The following P3H3 variants were observed in gnomAD, a reference collection of about 807,000 sequenced individuals.
P3H3 encodes gene rich cluster, B.
Under a neutral mutation model 78.1 loss-of-function variants are expected in P3H3, and 64 were observed. The ratio of observed to expected loss-of-function variants is 0.82; its 90% CI spans 0.67 to 1.01. The LOEUF is 1.01. P3H3 is among the 50% of genes least tolerant of loss of function. The probability of loss-of-function intolerance (pLI) is 0.00; values close to 1 mark genes in which losing one functional copy is unlikely to be tolerated. For missense variants in P3H3, 975 were observed against 982.2 expected (o/e 0.99, Z 0.10); for synonymous variants, 425 against 416.7 (o/e 1.02, Z -0.24).
In P3H3 at chr12:6,839,064, G is replaced by A. The variant is rs1943531290; in HGVS notation, c.1970G>A (p.Gly657Glu). 6.2e-7 allele frequency: 1 copy of A among 1,612,126 alleles called. No homozygotes were observed. Among genetic ancestry groups the A allele is most frequent in the Non-Finnish European group, 8.5e-7 (1 of 1,179,580 alleles). Reference sequence around the variant, plus strand: ...AGCTCCGGTGTCGAGAATCCCCATGGGGTGTGGGCCGTGACTCGGGGACGG... The same window carrying A: ...AGCTCCGGTGTCGAGAATCCCCATGAGGTGTGGGCCGTGACTCGGGGACGG... ...AFSSGVENPH[G>E]VWAVTRGRRC... The change falls in exon 14 of 15, where the codon GGG becomes GAG. Residue 657 changes from glycine (G) to glutamate (E), a missense_variant. Coordinates refer to ENST00000290510, the MANE Select transcript of P3H3 (RefSeq NM_014262.5).
Position 6,833,605 on chromosome 12 carries a change from C to A in P3H3, c.1226C>A (p.Pro409His), listed in dbSNP as rs1478316958. Residue 409 changes from proline to histidine, a missense_variant, in exon 7 of 15, where the codon CCT becomes CAT. Pro to His is a moderately conservative substitution (Grantham distance 77, BLOSUM62 -2). Coordinates refer to ENST00000290510, the MANE Select transcript of P3H3 (RefSeq NM_014262.5). Reference protein sequence around the residue: ...TSFKDPDPWTPAALIPEALRE... With the variant: ...TSFKDPDPWTHAALIPEALRE... ...GGACTGTCGCAGGACCCCTGGACCC[C>A]TGCAGCTCTCATCCCTGAGGCACTT... The A allele has an allele frequency of 3.1e-6, 5 of 1,613,948 alleles. No individual in the cohort carries two copies. Among genetic ancestry groups the A allele is most frequent in the Admixed American group, 3.3e-5 (2 of 60,022 alleles).
intron 12 of P3H3, 32 bp downstream of exon 12, chr12:6,837,881 G>A (rs782334607): frequency 1.9e-6 from 3 of 1,595,716 alleles, no homozygotes; most frequent in Non-Finnish European, 2.6e-6. Context: ...CAGGCAGGTG[G>A]GCAGACAAAG....
chr12:6,830,772 T>C lies in P3H3; in HGVS notation c.985+2T>C. ...GGCTACATGAGGCCCATGCTCAGGGTCAGTTGGGGAAGGGTGGAAACGGGG... is the reference window on the plus strand; with the variant it reads ...GGCTACATGAGGCCCATGCTCAGGGCCAGTTGGGGAAGGGTGGAAACGGGG... On this transcript the variant is annotated splice_donor_variant, in intron 4 of 14. Transcript: ENST00000290510. LOFTEE classifies it high-confidence loss of function. 1 of 1,613,820 alleles carries C rather than the reference T, an allele frequency of 6.2e-7. No homozygotes were observed. Among genetic ancestry groups the C allele is most frequent in the South Asian group, 1.1e-5 (1 of 91,074 alleles).
Position 6,837,951 on chromosome 12 carries a change from TC to T in P3H3, c.1830-3del. The T allele has an allele frequency of 6.2e-7, 1 of 1,602,370 alleles. No homozygotes were observed. Among genetic ancestry groups the T allele is most frequent in the Non-Finnish European group, 8.5e-7 (1 of 1,174,278 alleles). ...TCTCACTGCCTCTTGCTTTTTTCCC[TC>T]CCCAGCGGACTCCTCTACCTCAACG... On this transcript the variant is annotated splice_region_variant and splice_polypyrimidine_tract_variant and intron_variant, in intron 12 of 14. Coordinates refer to ENST00000290510, the MANE Select transcript of P3H3 (RefSeq NM_014262.5).
chr12:6,830,498 C>A lies in P3H3; in HGVS notation c.797C>A (p.Ala266Asp). The change falls in exon 3 of 15, where the codon GCT becomes GAT. Residue 266 changes from alanine (A) to aspartate (D), a missense_variant. Physicochemically the swap from Ala to Asp is moderately radical, Grantham distance 126. Coordinates refer to ENST00000290510, the MANE Select transcript of P3H3 (RefSeq NM_014262.5). ...GAGGGGCCTGAGGAGCAGCAGGGGG[C>A]TGAAGAAGAGGAGGATGGGGCTGCG... ...DCEGPEEQQG[A>D]EEEEDGAASQ... 1.3e-6 allele frequency: 2 copies of A among 1,583,664 alleles called. No homozygotes were observed. The highest frequency in any genetic ancestry group is 2.3e-5 in the East Asian group (1 of 43,916).
Position 6,829,981 on chromosome 12 carries a change from C to T in P3H3, c.621C>T (p.Ser207=). The change falls in exon 2 of 15, where the codon AGC becomes AGT. Residue 207 remains serine (S), a synonymous_variant. Coordinates refer to ENST00000290510, the MANE Select transcript of P3H3 (RefSeq NM_014262.5). This position sits in a 1 kb window ranked among gnomAD's most constrained non-coding sequence, Gnocchi z 5.1. The stretch of plus-strand genomic sequence containing the variant: ...GAATGTCGGGAGTTCGGCCCCAGAG[C>T]TTCCGGGACCTGGAGACGCCCCCAC... ...YRRMSGVRPQ[S]FRDLETPPHW... 3.1e-6 allele frequency: 5 copies of T among 1,614,010 alleles called. No homozygotes were observed. Among genetic ancestry groups the T allele is most frequent in the Non-Finnish European group, 4.2e-6 (5 of 1,179,890 alleles).
Position 6,838,019 on chromosome 12 carries a change from G to A in P3H3, c.1891G>A (p.Ala631Thr), listed in dbSNP as rs369842284. The A allele has an allele frequency of 1.3e-4, 208 of 1,606,230 alleles. No individual in the cohort carries two copies. The highest frequency in any genetic ancestry group is 1.6e-4 in the Non-Finnish European group (184 of 1,176,124). The change falls in exon 13 of 15, where the codon GCC (alanine) becomes ACC (threonine). Residue 631 changes from alanine (A) to threonine (T), a missense_variant. Physicochemically the swap from Ala to Thr is moderately conservative, Grantham distance 58. Transcript: ENST00000290510. ...GGACCTGTTCTTCACGGAGCCCAAC[G>A]CCCTCACTGTCACGGTGCGTGGAGT... ...GGDLFFTEPNALTVTARVRPR... is the reference protein window; with the variant it reads ...GGDLFFTEPNTLTVTARVRPR...
Position 6,829,955 on chromosome 12 carries a change from CGAAT to C in P3H3, c.597_600del (p.Met200ArgfsTer39). Reference sequence around the variant, plus strand: ...GCGGGAGGACATGGCTAAGTACAGACGAATGTCGGGAGTTCGGCCCCAGAGCTTC... The same window carrying C: ...GCGGGAGGACATGGCTAAGTACAGACGTCGGGAGTTCGGCCCCAGAGCTTC... On this transcript the variant is annotated frameshift_variant, in exon 2 of 15. Transcript: ENST00000290510. LOFTEE classifies it high-confidence loss of function. The surrounding 1 kb of genome is among the most constrained non-coding windows in gnomAD (Gnocchi z 5.1). 1 of 1,614,018 alleles carries C rather than the reference CGAAT, an allele frequency of 6.2e-7. No homozygotes were observed. Among genetic ancestry groups the C allele is most frequent in the Non-Finnish European group, 8.5e-7 (1 of 1,179,882 alleles).
chr12:6,833,594 C>T lies in P3H3; in HGVS notation c.1215C>T (p.Asp405=), dbSNP rs1357056507. The change falls in exon 7 of 15, where the codon GAC becomes GAT. Residue 405 remains aspartate (D), a splice_region_variant and synonymous_variant. Coordinates refer to ENST00000290510, the MANE Select transcript of P3H3 (RefSeq NM_014262.5). The part of the protein sequence containing the change: ...EHLGTSFKDP[D]PWTPAALIPE... Reference sequence around the variant, plus strand: ...GATGCTTTTCTGGACTGTCGCAGGACCCCTGGACCCCTGCAGCTCTCATCC... The same window carrying T: ...GATGCTTTTCTGGACTGTCGCAGGATCCCTGGACCCCTGCAGCTCTCATCC... 3.1e-6 allele frequency: 5 copies of T among 1,613,546 alleles called. No individual in the cohort carries two copies. In the South Asian group the frequency reaches 3.3e-5, roughly 11 times the overall value.
rs200475649 is a variant in P3H3 at position 6,839,004 on chromosome 12, G to C, written c.1910G>C (p.Arg637Pro). 4 of 1,593,544 alleles carry C rather than the reference G, an allele frequency of 2.5e-6. No homozygotes were observed. The Admixed American group carries it at 7.0e-5, about 28-fold the overall frequency. Residue 637 changes from arginine to proline, a missense_variant, in exon 14 of 15, where the codon CGG becomes CCG. Arg to Pro is a moderately radical substitution (Grantham distance 103). Transcript: ENST00000290510. ...TEPNALTVTA[R>P]VRPRCGRLVA... ...AACCTGCCCTCATCCCTCCAGGCTC[G>C]GGTGCGTCCTCGCTGTGGGCGCCTT...
At position 6,837,855 on chromosome 12, in the gene P3H3, C is replaced by A. The variant is rs782456256; in HGVS notation, c.1829+6C>A. 12 of 1,604,720 alleles carry A rather than the reference C, an allele frequency of 7.5e-6. 1 individual carries two copies. The South Asian group carries it at 1.1e-4, about 15-fold the overall frequency. On this transcript the variant is annotated splice_donor_region_variant and intron_variant, in intron 12 of 14. Transcript: ENST00000290510. Reference sequence around the variant, plus strand: ...TACACCTATCGGGACTACAGGTGGGCAGCCCCTCTAGTGGTCAGGCAGGTG... The same window carrying A: ...TACACCTATCGGGACTACAGGTGGGAAGCCCCTCTAGTGGTCAGGCAGGTG...
At position 6,839,296 on chromosome 12, in the gene P3H3, G is replaced by A. The variant is rs1308584489; in HGVS notation, c.2047-1G>A. ...GGCCACACTCTCCTCCCCAACCCCAGGAGTGGATAGAAGCCAAAGAACTGC... is the reference window on the plus strand; with the variant it reads ...GGCCACACTCTCCTCCCCAACCCCAAGAGTGGATAGAAGCCAAAGAACTGC... On this transcript the variant is annotated splice_acceptor_variant, in intron 14 of 14. Coordinates refer to ENST00000290510, the MANE Select transcript of P3H3 (RefSeq NM_014262.5). LOFTEE classifies it high-confidence loss of function. The A allele has an allele frequency of 1.3e-6, 2 of 1,553,288 alleles. No homozygotes were observed. The highest frequency in any genetic ancestry group is 1.4e-5 in the African/African-American group (1 of 73,110).
At position 6,837,995 on chromosome 12, in the gene P3H3, G is replaced by A. The variant is rs946204906; in HGVS notation, c.1867G>A (p.Asp623Asn). The change falls in exon 13 of 15, where the codon GAC becomes AAC. Residue 623 changes from aspartate (D) to asparagine (N), a missense_variant. By Grantham distance (23) the Asp-to-Asn change is conservative (BLOSUM62 1). Coordinates refer to ENST00000290510, the MANE Select transcript of P3H3 (RefSeq NM_014262.5). Reference protein sequence around the residue: ...LYLNDDFQGGDLFFTEPNALT... With the variant: ...LYLNDDFQGGNLFFTEPNALT... ...CCTCAACGATGACTTCCAGGGTGGG[G>A]ACCTGTTCTTCACGGAGCCCAACGC... is the stretch of plus-strand genomic sequence containing the variant. The A allele has an allele frequency of 1.9e-6, 3 of 1,608,824 alleles. No individual in the cohort carries two copies. Among genetic ancestry groups the A allele is most frequent in the Non-Finnish European group, 1.7e-6 (2 of 1,177,440 alleles).
chr12:6,831,851 C>G lies in P3H3; in HGVS notation c.1149C>G (p.Ser383=). The G allele has an allele frequency of 6.2e-7, 1 of 1,608,390 alleles. No homozygotes were observed. Among genetic ancestry groups the G allele is most frequent in the Non-Finnish European group, 8.5e-7 (1 of 1,176,594 alleles). ...ACATCCAGCGCTTCATCCTCCGATC[C>G]CTGGGGGAGAAGAGGCAGCTCTACT... The part of the protein sequence containing the change: ...REDIQRFILR[S]LGEKRQLYYA... Residue 383 remains serine, a synonymous_variant, in exon 6 of 15, where the codon TCC becomes TCG. Coordinates refer to ENST00000290510, the MANE Select transcript of P3H3 (RefSeq NM_014262.5). The surrounding 1 kb of genome is among the most constrained non-coding windows in gnomAD (Gnocchi z 4.6).
chr12:6,830,045 C>T (rs1202253651), intron 2 of P3H3, 34 bp downstream of exon 2: 2 of 1,610,992 alleles, frequency 1.2e-6, no homozygotes, highest in Non-Finnish European at 1.7e-6. Context: ...GTCTTGCCAC[C>T]AGCCTTTTCC....
intron 7 of P3H3, 21 bp downstream of exon 7, chr12:6,833,665 G>A (rs782608434): frequency 7.4e-6 from 12 of 1,611,342 alleles, no homozygotes; most frequent in Non-Finnish European, 1.0e-5. Flanking sequence ...CCCCATGGTG[G>A]GAGGGGCTTG....
chr12:6,837,041 C>T lies in P3H3; in HGVS notation c.1515C>T (p.Thr505=). 2 of 1,608,218 alleles carry T rather than the reference C, an allele frequency of 1.2e-6. No individual in the cohort carries two copies. Among genetic ancestry groups the T allele is most frequent in the Non-Finnish European group, 1.7e-6 (2 of 1,179,796 alleles). Reference sequence around the variant, plus strand: ...ATCGTGGTCGCCGCTCCCCTCACACCCCCCATGAACGCTTCGAGGGGCTCA... The same window carrying T: ...ATCGTGGTCGCCGCTCCCCTCACACTCCCCATGAACGCTTCGAGGGGCTCA... ...SGYRGRRSPH[T]PHERFEGLTV... Residue 505 remains threonine (T), a synonymous_variant, in exon 10 of 15, where the codon ACC becomes ACT. Transcript: ENST00000290510.
At position 6,834,056 on chromosome 12, in the gene P3H3, A is replaced by G; in HGVS notation, c.1458+7A>G. Reference sequence around the variant, plus strand: ...GCTGCTGCAGCTGGCTAAGGTAGGAAGACCTGCAAGCTCATCAGCTCGTTC... The same window carrying G: ...GCTGCTGCAGCTGGCTAAGGTAGGAGGACCTGCAAGCTCATCAGCTCGTTC... On this transcript the variant is annotated splice_region_variant and intron_variant, in intron 9 of 14. Coordinates refer to ENST00000290510, the MANE Select transcript of P3H3 (RefSeq NM_014262.5). The G allele has an allele frequency of 6.2e-7, 1 of 1,613,134 alleles. No individual in the cohort carries two copies.
At chr12:6,837,653 G>T in intron 11 of P3H3, 79 bp from the exon 12 acceptor site, 1 of 1,579,762 alleles carries the variant, frequency 6.3e-7, no homozygotes, top group East Asian at 2.3e-5. Flanking sequence ...CCCCGGGGTG[G>T]ACGTGCACGG....
Sources: gnomAD v4.1 joint callset for allele counts on GRCh38, gnomAD v4.1.1 for gene constraint, Gnocchi (gnomAD v3.1) non-coding constraint, MANE v1.5 for transcripts, NCBI Gene and HGNC (gene_info 2026-07-23, HGNC 2026-07-21) for gene names.